Variants in RFX6 observed in about 807,000 individuals in gnomAD.
RFX6 encodes the protein DNA-binding protein RFX6.
In RFX6, 50 loss-of-function variants were observed where a neutral mutation model predicts 110.8. The ratio of observed to expected loss-of-function variants is 0.45; its 90% CI spans 0.36 to 0.57. RFX6 has a LOEUF of 0.57. Among genes scored for constraint, RFX6 ranks in the 20% least tolerant of loss-of-function variants. RFX6 has a pLI of 0.00. For missense variants in RFX6, 990 were observed against 1,127.0 expected (o/e 0.88, Z 1.74); for synonymous variants, 383 against 411.2 (o/e 0.93, Z 0.83).
rs1321372 is a variant in RFX6, at chr6:116,916,361, G to T, written c.972+47G>T. On this transcript the variant is annotated intron_variant, in intron 9 of 18. Coordinates refer to ENST00000332958, the MANE Select transcript of RFX6 (RefSeq NM_173560.4). ...AAACATGAGCCATTTATTTCTTTACGTAGCATTCTATCTAAATTCTTGCAA... is the reference window on the plus strand; with the variant it reads ...AAACATGAGCCATTTATTTCTTTACTTAGCATTCTATCTAAATTCTTGCAA... 32 of 1,033,034 alleles carry T rather than the reference G, an allele frequency of 3.1e-5. No individual in the cohort carries two copies. In the African/African-American group the frequency reaches 4.7e-4, roughly 15 times the overall value. The allele number at this position is 1,033,034 out of a possible 1,614,324, so 64.0% of individuals were successfully genotyped here.
chr6:116,888,783 A>G (rs1774756078), intron 4 of RFX6, among the ~76,000 whole-genome samples: 1 of 152,182 alleles, frequency 6.6e-6, no homozygotes, highest in Non-Finnish European at 1.5e-5. Context: ...CTCCCTAGCA[A>G]GATTTATTTT....
Position 116,877,273 on chromosome 6 carries a change from A to C in RFX6, c.-3A>C, listed in dbSNP as rs1774477041. 4 of 1,606,424 alleles carry C rather than the reference A, an allele frequency of 2.5e-6. No homozygotes were observed. Among genetic ancestry groups the C allele is most frequent in the Non-Finnish European group, 3.4e-6 (4 of 1,176,236 alleles). On this transcript the variant is annotated 5_prime_UTR_variant, in exon 1 of 19. Transcript: ENST00000332958. ...CGCGCGGAGGTGTCCGGCGGCCAGG[A>C]GGATGGCCAAGGTCCCGGAGCTGGA... is the stretch of plus-strand genomic sequence containing the variant.
At chr6:116,910,802 C>T in intron 6 of RFX6, 133 bp from the exon 7 acceptor site, 1 of 736,250 alleles carries the variant, frequency 1.4e-6, no homozygotes, top group Non-Finnish European at 2.5e-6. Context: ...ACAGTCTACT[C>T]AAATCTCGTA....
At position 116,925,517 on chromosome 6, in the gene RFX6, G is replaced by T; in HGVS notation, c.1743G>T (p.Gly581=). The change falls in exon 16 of 19, where the codon GGG becomes GGT. Residue 581 remains glycine, a synonymous_variant. Transcript: ENST00000332958. ...GCTTTCTGGCCAACCGTAATAAAGG[G>T]AGCATGGTTTCCAGCGACGCTGTGA... ...SSCFLANRNK[G]SMVSSDAVKN... 1 of 1,614,152 alleles carries T rather than the reference G, an allele frequency of 6.2e-7. No homozygotes were observed. The highest frequency in any genetic ancestry group is 8.5e-7 in the Non-Finnish European group (1 of 1,179,996).
At chr6:116,881,021 A>T (rs1774579176) in intron 3 of RFX6, among the ~76,000 whole-genome samples, 1 of 152,090 alleles carries the variant, frequency 6.6e-6, no homozygotes, top group Non-Finnish European at 1.5e-5. Flanking sequence ...GTTAGTGGTT[A>T]TCCATACTAT....
intron 6 of RFX6, among the ~76,000 whole-genome samples, chr6:116,899,608 C>T (rs1378983575): frequency 6.6e-6 from 1 of 151,984 alleles, no homozygotes; most frequent in East Asian, 1.9e-4. Context: ...AGGTGGAGTA[C>T]TATATAAATA....
intron 4 of RFX6, among the ~76,000 whole-genome samples, chr6:116,883,776 T>G (rs1774643377): frequency 6.6e-6 from 1 of 152,164 alleles, no homozygotes; most frequent in South Asian, 2.1e-4. Context: ...CTTTTTGAAT[T>G]CTTTTGAATA....
At chr6:116,879,812 AG>A (rs2114659651) in intron 2 of RFX6, among the ~76,000 whole-genome samples, 1 of 152,092 alleles carries the variant, frequency 6.6e-6, no homozygotes, top group South Asian at 2.1e-4. Flanking sequence ...CATTTATATA[AG>A]TTATGCTTAG....
At position 116,877,970 on chromosome 6, in the gene RFX6, G is replaced by A. The variant is rs1774501768; in HGVS notation, c.380+18G>A. On this transcript the variant is annotated intron_variant, in intron 2 of 18. Coordinates refer to ENST00000332958, the MANE Select transcript of RFX6 (RefSeq NM_173560.4). ...CTGCAGTGGTGAGACTCGCCCGCAGGGTACACTGAAGCACCTGTTGACGTT... is the reference window on the plus strand; with the variant it reads ...CTGCAGTGGTGAGACTCGCCCGCAGAGTACACTGAAGCACCTGTTGACGTT... The A allele has an allele frequency of 1.1e-5, 17 of 1,612,550 alleles. No individual in the cohort carries two copies. Among genetic ancestry groups the A allele is most frequent in the Non-Finnish European group, 1.4e-5 (16 of 1,178,710 alleles).
intron 6 of RFX6, among the ~76,000 whole-genome samples, chr6:116,900,631 G>T (rs540763090): frequency 4.0e-5 from 6 of 151,722 alleles, no homozygotes; most frequent in African/African-American, 1.5e-4. Flanking sequence ...AATAAAAATA[G>T]AAATAAAAAT....
Position 116,877,479 on chromosome 6 carries a change from GCCGGGGGC to G in RFX6, c.205_212del (p.Pro69SerfsTer11). ...GGGAGAAAGGCGAAGACCCGGAGCT[GCCGGGGGC>G]AGTGAAATCAGGTGAGTGCTCTGCC... is the stretch of plus-strand genomic sequence containing the variant. On this transcript the variant is annotated frameshift_variant, in exon 1 of 19. Coordinates refer to ENST00000332958, the MANE Select transcript of RFX6 (RefSeq NM_173560.4). LOFTEE classifies it high-confidence loss of function. 6.4e-7 allele frequency: 1 copy of G among 1,560,004 alleles called. No homozygotes were observed. Among genetic ancestry groups the G allele is most frequent in the Non-Finnish European group, 8.7e-7 (1 of 1,151,510 alleles).
At chr6:116,882,808 C>A (rs1774618645) in intron 4 of RFX6, among the ~76,000 whole-genome samples, 1 of 152,096 alleles carries the variant, frequency 6.6e-6, no homozygotes, top group Non-Finnish European at 1.5e-5. Context: ...CAGGTTCTTC[C>A]TCTAGTTTTC....
At chr6:116,894,581 A>G (rs1169831485) in intron 5 of RFX6, among the ~76,000 whole-genome samples, 2 of 152,122 alleles carry the variant, frequency 1.3e-5, no homozygotes, top group Non-Finnish European at 2.9e-5. Context: ...GAATGAAAAT[A>G]AACAGCACAT....
At chr6:116,919,067 C>T in intron 10 of RFX6, 70 bp from the exon 11 acceptor site, 1 of 1,365,354 alleles carries the variant, frequency 7.3e-7, no homozygotes. Flanking sequence ...AATAGTATAC[C>T]TCAATTAAAA....
chr6:116,892,719 G>A (rs1421530788), intron 4 of RFX6, among the ~76,000 whole-genome samples: 1 of 152,206 alleles, frequency 6.6e-6, no homozygotes, highest in Non-Finnish European at 1.5e-5. Context: ...GACCATTATG[G>A]AGGTAACTTG....
intron 6 of RFX6, among the ~76,000 whole-genome samples, chr6:116,903,965 G>A (rs1345890887): frequency 6.6e-6 from 1 of 151,850 alleles, no homozygotes; most frequent in East Asian, 1.9e-4. Context: ...AACTTTACTA[G>A]TAAAGGTGAA....
intron 7 of RFX6, among the ~76,000 whole-genome samples, chr6:116,914,112 C>A (rs1257161894): frequency 6.6e-6 from 1 of 152,116 alleles, no homozygotes. Context: ...CTCTGGTAAC[C>A]ACCAGTCTAC....
intron 6 of RFX6, among the ~76,000 whole-genome samples, chr6:116,906,352 C>T (rs1425482392): frequency 6.6e-6 from 1 of 152,172 alleles, no homozygotes; most frequent in Non-Finnish European, 1.5e-5. Flanking sequence ...CCCAGGGTCC[C>T]TTGAGATTCC....
intron 4 of RFX6, among the ~76,000 whole-genome samples, chr6:116,890,305 T>C (rs1164197134): frequency 6.6e-6 from 1 of 152,176 alleles, no homozygotes; most frequent in Non-Finnish European, 1.5e-5. Context: ...CATGTACACA[T>C]ACAATTCTTT....
Sources: allele counts gnomAD v4.1 joint callset (sites outside exome capture counted in the v4.1 genomes callset), GRCh38; gene constraint gnomAD v4.1.1; transcripts MANE v1.5; gene names NCBI Gene and HGNC (gene_info 2026-07-23, HGNC 2026-07-21).